The following PRRC2B variants were observed in gnomAD, a reference collection of about 807,000 sequenced individuals.
The protein encoded by PRRC2B is proline rich coiled-coil 2B.
PRRC2B carries 68 observed loss-of-function variants against 242.3 expected under a neutral mutation model. That is an observed-to-expected ratio of 0.28 (90% CI 0.23 to 0.34). The LOEUF (loss-of-function observed/expected upper bound fraction) is 0.34. Ranked by LOEUF, PRRC2B falls within the 10% of genes least tolerant of loss-of-function variation. PRRC2B has a pLI of 1.00. For missense variants in PRRC2B, 2,835 were observed against 2,954.8 expected, an observed-to-expected ratio of 0.96 and a Z score of 0.94; for synonymous variants, 1,228 against 1,173.6, an observed-to-expected ratio of 1.05 and a Z score of -0.95.
chr9:131,396,717 C>T (rs748170845), intron 1 of PRRC2B, among the ~76,000 whole-genome samples: 32 of 152,048 alleles, frequency 2.1e-4, no homozygotes, highest in Non-Finnish European at 4.0e-4. Context: ...TAATGTTTTG[C>T]TATGGTGACT....
intron 23 of PRRC2B, among the ~76,000 whole-genome samples, chr9:131,484,004 G>A (rs17147913): frequency 0.013 from 1,910 of 152,330 alleles, 20 homozygotes; most frequent in Middle Eastern, 0.027. Context: ...TTTGGGCAGC[G>A]TTTCCCAGAG....
chr9:131,468,482 A>G (rs1222642266), intron 13 of PRRC2B, among the ~76,000 whole-genome samples: 2 of 152,106 alleles, frequency 1.3e-5, no homozygotes, highest in Non-Finnish European at 2.9e-5. Flanking sequence ...TTTAAAAGGG[A>G]CCTACTTTTT....
At chr9:131,416,466 T>A (rs958931086) in intron 1 of PRRC2B, among the ~76,000 whole-genome samples, 1 of 152,200 alleles carries the variant, frequency 6.6e-6, no homozygotes, top group Non-Finnish European at 1.5e-5. Context: ...TACAGAAAAG[T>A]TGGAGTTCCC....
intron 1 of PRRC2B, among the ~76,000 whole-genome samples, chr9:131,377,661 T>A (rs976262560): frequency 1.1e-4 from 17 of 152,202 alleles, no homozygotes; most frequent in Admixed American, 1.1e-3. Context: ...GCCTACGGAA[T>A]GACAAGAGGG....
chr9:131,394,137 G>C lies in PRRC2B; in HGVS notation c.-178G>C, dbSNP rs1289966732. 1 of 149,228 alleles carries C rather than the reference G, an allele frequency of 6.7e-6. No homozygotes were observed. Among genetic ancestry groups the C allele is most frequent in the African/African-American group, 2.4e-5 (1 of 40,976 alleles). 9.2% of individuals were successfully genotyped at this position (149,228 alleles called of 1,614,324 possible). On this transcript the variant is annotated 5_prime_UTR_variant, in exon 1 of 32. Coordinates refer to ENST00000683519, the MANE Select transcript of PRRC2B (RefSeq NM_013318.4). ...CAGCGACGAGCGAGCCCGGGAGGAG[G>C]GAGGGAGCGAGCGAGCGAGCAGCCC...
chr9:131,468,340 GTGTA>G (rs1404169572), intron 13 of PRRC2B, among the ~76,000 whole-genome samples: 3 of 152,228 alleles, frequency 2.0e-5, no homozygotes, highest in African/African-American at 7.2e-5. Context: ...ATTTCTTCAT[GTGTA>G]AACCAGGAAG....
chr9:131,412,371 G>A (rs1243976262), intron 1 of PRRC2B, among the ~76,000 whole-genome samples: 1 of 152,112 alleles, frequency 6.6e-6, no homozygotes, highest in Non-Finnish European at 1.5e-5. Flanking sequence ...TGTTCTTATT[G>A]TAGGATGGTT....
intron 3 of PRRC2B, among the ~76,000 whole-genome samples, chr9:131,436,329 C>A (rs1247360380): frequency 6.6e-6 from 1 of 152,180 alleles, no homozygotes; most frequent in Non-Finnish European, 1.5e-5. Flanking sequence ...TACCCCACTA[C>A]ACTCCAGCCT....
In PRRC2B at chr9:131,459,144, T is replaced by A; in HGVS notation, c.1212-20T>A. The A allele has an allele frequency of 6.2e-7, 1 of 1,606,672 alleles. No individual in the cohort carries two copies. Among genetic ancestry groups the A allele is most frequent in the South Asian group, 1.1e-5 (1 of 90,932 alleles). ...TTGGCCTGAGTGCAAAAACTTAACA[T>A]CAAATGTGGTTTGTCCTAGGAACAG... On this transcript the variant is annotated intron_variant, in intron 10 of 31. Transcript: ENST00000683519.
chr9:131,456,641 A>G (rs1943088916), intron 10 of PRRC2B, among the ~76,000 whole-genome samples: 2 of 151,980 alleles, frequency 1.3e-5, no homozygotes, highest in South Asian at 4.2e-4. Flanking sequence ...CCACCTCAAA[A>G]AAAAAAAATA....
At chr9:131,384,805 T>G (rs1181062147) in intron 1 of PRRC2B, among the ~76,000 whole-genome samples, 1 of 152,126 alleles carries the variant, frequency 6.6e-6, no homozygotes, top group African/African-American at 2.4e-5. Flanking sequence ...TCCACCCACC[T>G]TAGCCTCCCA....
At chr9:131,415,113 C>T (rs1837612309) in intron 1 of PRRC2B, among the ~76,000 whole-genome samples, 1 of 152,082 alleles carries the variant, frequency 6.6e-6, no homozygotes, top group Non-Finnish European at 1.5e-5. Context: ...CTGTTTTCAG[C>T]CTCCTGAGTA....
chr9:131,434,046 A>C (rs1292654808), intron 3 of PRRC2B, among the ~76,000 whole-genome samples: 1 of 152,066 alleles, frequency 6.6e-6, no homozygotes, highest in Non-Finnish European at 1.5e-5. Flanking sequence ...GAATTGTTTG[A>C]CTTCTGAGCC....
chr9:131,482,919 A>T lies in PRRC2B; in HGVS notation c.5373+12A>T. The stretch of plus-strand genomic sequence containing the variant: ...GAGTCAGTCCAAAAGTGAGGCTTTG[A>T]TTTGTTTTCTTGCTTGCTTTTTTTA... On this transcript the variant is annotated intron_variant, in intron 22 of 31. Coordinates refer to ENST00000683519, the MANE Select transcript of PRRC2B (RefSeq NM_013318.4). The surrounding 1 kb of genome is among the most constrained non-coding windows in gnomAD (Gnocchi z 5.2). 1 of 1,597,858 alleles carries T rather than the reference A, an allele frequency of 6.3e-7. No individual in the cohort carries two copies. Among genetic ancestry groups the T allele is most frequent in the Non-Finnish European group, 8.5e-7 (1 of 1,171,968 alleles).
At chr9:131,400,917 G>GC (rs908910779) in intron 1 of PRRC2B, among the ~76,000 whole-genome samples, 1 of 151,878 alleles carries the variant, frequency 6.6e-6, no homozygotes, top group East Asian at 1.9e-4. Flanking sequence ...GCCCTGGAGA[G>GC]CCCCCCACCT....
At chr9:131,440,835 G>GACATGGGGACTC (rs71372732) in intron 5 of PRRC2B, among the ~76,000 whole-genome samples, 8 of 152,128 alleles carry the variant, frequency 5.3e-5, no homozygotes, top group Non-Finnish European at 7.3e-5. Context: ...GTGAGGGCTG[G>GACATGGGGACTC]ACACCTGTAA....
chr9:131,487,215 G>T lies in PRRC2B; in HGVS notation c.5905G>T (p.Ala1969Ser), dbSNP rs1034516202. Reference sequence around the variant, plus strand: ...GATCTCCCTTCACACATCTCTGCAGGCACAAGCTCAGCTTGGACTGAGGGG... The same window carrying T: ...GATCTCCCTTCACACATCTCTGCAGTCACAAGCTCAGCTTGGACTGAGGGG... ...IPISLHTSLQ[A>S]QAQLGLRGGL... is the part of the protein sequence containing the mutation. Residue 1969 changes from alanine (A) to serine (S), a missense_variant, in exon 27 of 32, where the codon GCA (alanine) becomes TCA (serine). Ala to Ser is a moderately conservative substitution (Grantham distance 99, BLOSUM62 1). Coordinates refer to ENST00000683519, the MANE Select transcript of PRRC2B (RefSeq NM_013318.4). This position sits in a 1 kb window ranked among gnomAD's most constrained non-coding sequence, Gnocchi z 5.3. 6 of 1,613,688 alleles carry T rather than the reference G, an allele frequency of 3.7e-6. No homozygotes were observed. Among genetic ancestry groups the T allele is most frequent in the Non-Finnish European group, 5.1e-6 (6 of 1,179,694 alleles).
upstream of PRRC2B, among the ~76,000 whole-genome samples, chr9:131,392,032 C>T (rs779422936): frequency 3.9e-5 from 6 of 152,114 alleles, no homozygotes; most frequent in Admixed American, 2.0e-4. Context: ...TGAGCCACCA[C>T]GCTTGGCCTT....
chr9:131,416,114 C>CTTTTTT (rs562809102), intron 1 of PRRC2B, among the ~76,000 whole-genome samples: 1 of 145,256 alleles, frequency 6.9e-6, no homozygotes, highest in African/African-American at 2.5e-5. Context: ...TCTTTTCTTT[C>CTTTTTT]TTTTTTTTTT....
Sources: allele counts gnomAD v4.1 joint callset (sites outside exome capture counted in the v4.1 genomes callset), GRCh38; gene constraint gnomAD v4.1.1; non-coding constraint Gnocchi (gnomAD v3.1); transcripts MANE v1.5; gene names NCBI Gene and HGNC (gene_info 2026-07-23, HGNC 2026-07-21).